IL1RAPL1: variants seen among roughly 807,000 people sequenced by gnomAD.
The protein encoded by IL1RAPL1 is interleukin 1 receptor accessory protein like 1.
A neutral mutation model predicts 48.4 loss-of-function variants in IL1RAPL1; 3 were observed. The observed-to-expected ratio is 0.06, with a 90% CI of 0.03 to 0.16. The LOEUF (loss-of-function observed/expected upper bound fraction) is 0.16. Ranked by LOEUF, IL1RAPL1 falls within the 10% of genes least tolerant of loss-of-function variation. IL1RAPL1 has a pLI of 1.00. For missense variants in IL1RAPL1, 349 were observed against 530.6 expected, an observed-to-expected ratio of 0.66 and a Z score of 3.36; for synonymous variants, 185 against 187.7, an observed-to-expected ratio of 0.99 and a Z score of 0.12.
intron 5 of IL1RAPL1, among the ~76,000 whole-genome samples, chrX:29,567,227 A>C (rs1922440297): frequency 9.0e-6 from 1 of 111,178 alleles, no homozygotes; most frequent in Non-Finnish European, 1.9e-5. Flanking sequence ...CAAAAAAAAA[A>C]AGACAATTAG....
chrX:29,801,812 G>A (rs981150317), intron 6 of IL1RAPL1, among the ~76,000 whole-genome samples: 38 of 111,541 alleles, frequency 3.4e-4, no homozygotes, highest in African/African-American at 1.1e-3. Flanking sequence ...AGGTTTTGGA[G>A]AGATACAAAA....
At chrX:29,721,796 A>G (rs1569153787) in intron 6 of IL1RAPL1, among the ~76,000 whole-genome samples, 1 of 112,076 alleles carries the variant, frequency 8.9e-6, no homozygotes, top group African/African-American at 3.2e-5. Flanking sequence ...AGATTGGACA[A>G]TGTTTGAAGA....
chrX:28,772,639 T>A (rs1601896968), intron 1 of IL1RAPL1, among the ~76,000 whole-genome samples: 1 of 112,181 alleles, frequency 8.9e-6, no homozygotes, highest in Non-Finnish European at 1.9e-5. Context: ...TCTCAGTCTG[T>A]CAAATTATGT....
chrX:29,252,263 A>T lies in IL1RAPL1; in HGVS notation c.83-30675A>T, dbSNP rs1175332321. On this transcript the variant is annotated intron_variant, in intron 2 of 10. Transcript: ENST00000378993. ...ACATGTACCCTAAAACTTAAAGTAC[A>T]ATAATAGTAAAAGAAAAAAGAAAAA... 6.6e-5 allele frequency among the ~76,000 whole-genome samples: 7 copies of T among 106,367 alleles called. No homozygotes were observed. The Admixed American group carries it at 6.9e-4, about 10-fold the overall frequency. 92.4% of individuals were successfully genotyped at this position (106,367 alleles called of 115,157 possible).
chrX:28,833,495 T>G (rs983625293), intron 2 of IL1RAPL1, among the ~76,000 whole-genome samples: 1 of 111,985 alleles, frequency 8.9e-6, no homozygotes, highest in Non-Finnish European at 1.9e-5. Flanking sequence ...TGTTCTTTCT[T>G]GACATTTTAA....
chrX:29,511,010 A>C (rs1935388303), intron 5 of IL1RAPL1, among the ~76,000 whole-genome samples: 1 of 111,786 alleles, frequency 8.9e-6, no homozygotes, highest in Non-Finnish European at 1.9e-5. Context: ...CCTTCTTTAT[A>C]GTCGAGTGAG....
At chrX:29,342,112 TTGTGTGTGTGTGTGTGTGTGTG>T (rs753779178) in intron 3 of IL1RAPL1, among the ~76,000 whole-genome samples, 4 of 87,670 alleles carry the variant, frequency 4.6e-5, no homozygotes, top group Non-Finnish European at 8.9e-5. Context: ...CGGCCTTGTT[TTGTGTGTGTGTGTGTGTGTGTG>T]TGTGTGTGTG....
intron 2 of IL1RAPL1, among the ~76,000 whole-genome samples, chrX:28,972,906 G>T (rs1925119787): frequency 9.0e-6 from 1 of 110,903 alleles, no homozygotes; most frequent in African/African-American, 3.3e-5. Flanking sequence ...TACATATTTA[G>T]CTTTACCCAC....
intron 2 of IL1RAPL1, among the ~76,000 whole-genome samples, chrX:28,922,455 C>T (rs1252344761): frequency 3.6e-5 from 4 of 112,096 alleles, no homozygotes; most frequent in African/African-American, 9.7e-5. Flanking sequence ...CAAGGACTCA[C>T]ATAAAGTCTT....
chrX:28,889,479 G>A (rs1300023303), intron 2 of IL1RAPL1, among the ~76,000 whole-genome samples: 3 of 111,598 alleles, frequency 2.7e-5, no homozygotes, highest in Non-Finnish European at 3.8e-5. Flanking sequence ...TGTTATACTT[G>A]CAAGTGAAAT....
chrX:29,361,392 G>T (rs1325385009), intron 3 of IL1RAPL1, among the ~76,000 whole-genome samples: 1 of 111,652 alleles, frequency 9.0e-6, no homozygotes, highest in Admixed American at 9.6e-5. Context: ...TTAGGCAAAA[G>T]GTGCGGATAC....
chrX:28,921,137 T>TA (rs60807689), intron 2 of IL1RAPL1, among the ~76,000 whole-genome samples: 33 of 104,926 alleles, frequency 3.1e-4, no homozygotes, highest in East Asian at 1.2e-3. Flanking sequence ...AAAAATGAGT[T>TA]AAAAAAAAAA....
intron 2 of IL1RAPL1, among the ~76,000 whole-genome samples, chrX:28,896,564 C>T (rs769981299): frequency 8.1e-5 from 9 of 110,879 alleles, no homozygotes; most frequent in East Asian, 2.9e-4. Flanking sequence ...GGGCTAGTCT[C>T]GGAACAAAAC....
At chrX:29,190,979 AT>A (rs1216112766) in intron 2 of IL1RAPL1, among the ~76,000 whole-genome samples, 6 of 111,891 alleles carry the variant, frequency 5.4e-5, no homozygotes, top group Non-Finnish European at 1.1e-4. Flanking sequence ...AAAAATACTT[AT>A]TTTGGAATTG....
intron 3 of IL1RAPL1, among the ~76,000 whole-genome samples, chrX:29,317,220 C>T (rs1194943361): frequency 9.0e-6 from 1 of 111,717 alleles, no homozygotes; most frequent in Non-Finnish European, 1.9e-5. Context: ...ACATTGCTGC[C>T]AGCTTTTTAC....
intron 2 of IL1RAPL1, among the ~76,000 whole-genome samples, chrX:29,120,900 G>C (rs1362193475): frequency 9.0e-6 from 1 of 111,643 alleles, no homozygotes; most frequent in East Asian, 2.8e-4. Flanking sequence ...ATGGCCAAGT[G>C]GGATTTATCC....
At chrX:29,139,372 G>T (rs1250518002) in intron 2 of IL1RAPL1, among the ~76,000 whole-genome samples, 1 of 110,695 alleles carries the variant, frequency 9.0e-6, no homozygotes, top group Non-Finnish European at 1.9e-5. Flanking sequence ...GAGCAGCTAT[G>T]TTAAAGTATA....
In IL1RAPL1 at chrX:28,717,718, C is replaced by T. The variant is rs143966849; in HGVS notation, c.-24-71602C>T. 5.3e-3 allele frequency among the ~76,000 whole-genome samples: 583 copies of T among 111,038 alleles called. 1 individual carries two copies. The highest frequency in any genetic ancestry group is 0.018 in the African/African-American group (551 of 30,610). Reference sequence around the variant, plus strand: ...ATACCTGAGTCTCAGGATTGAGATTCGAAGTGGGGAGGGGGACTGGAGGAC... The same window carrying T: ...ATACCTGAGTCTCAGGATTGAGATTTGAAGTGGGGAGGGGGACTGGAGGAC... On this transcript the variant is annotated intron_variant, in intron 1 of 10. Coordinates refer to ENST00000378993, the MANE Select transcript of IL1RAPL1 (RefSeq NM_014271.4).
intron 2 of IL1RAPL1, among the ~76,000 whole-genome samples, chrX:29,046,054 C>A (rs1248653145): frequency 1.9e-5 from 2 of 104,217 alleles, no homozygotes; most frequent in African/African-American, 7.1e-5. Context: ...CCTCCTCCTC[C>A]TTCTTTTTCT....
Sources: allele counts gnomAD v4.1 joint callset (sites outside exome capture counted in the v4.1 genomes callset), GRCh38; gene constraint gnomAD v4.1.1; transcripts MANE v1.5; gene names NCBI Gene and HGNC (gene_info 2026-07-23, HGNC 2026-07-21).